The following FBN2 variants were observed in gnomAD, a reference collection of about 807,000 sequenced individuals.
The protein encoded by FBN2 is fibrillin-2.
FBN2 carries 105 observed loss-of-function variants against 355.6 expected under a neutral mutation model. The observed-to-expected ratio is 0.30, with a 90% CI of 0.25 to 0.35. FBN2 has a LOEUF of 0.35. FBN2 is among the 10% of genes least tolerant of loss of function. The probability of loss-of-function intolerance (pLI) is 1.00; values close to 1 mark genes in which losing one functional copy is unlikely to be tolerated. For synonymous variants in FBN2, 1,350 were observed against 1,301.2 expected, an observed-to-expected ratio of 1.04 and a Z score of -0.81; for missense variants, 3,280 against 3,758.7, an observed-to-expected ratio of 0.87 and a Z score of 3.33.
intron 53 of FBN2, among the ~76,000 whole-genome samples, chr5:128,288,203 C>T (rs113057849): frequency 6.6e-6 from 1 of 152,188 alleles, no homozygotes; most frequent in South Asian, 2.1e-4. Context: ...TCAAGAGATG[C>T]CAACCCTGAG....
intron 31 of FBN2, among the ~76,000 whole-genome samples, chr5:128,333,515 C>T (rs1581222528): frequency 6.6e-6 from 1 of 151,862 alleles, no homozygotes; most frequent in South Asian, 2.1e-4. Context: ...ATTACATGAT[C>T]ATTTGTCATT....
intron 11 of FBN2, among the ~76,000 whole-genome samples, chr5:128,387,724 C>G (rs1350679799): frequency 1.3e-5 from 2 of 152,008 alleles, no homozygotes; most frequent in African/African-American, 4.8e-5. Flanking sequence ...GGTATAATTT[C>G]ATTTTTCTTG....
At chr5:128,355,278 C>A (rs771215888) in intron 20 of FBN2, among the ~76,000 whole-genome samples, 59 of 152,200 alleles carry the variant, frequency 3.9e-4, no homozygotes, top group Non-Finnish European at 7.2e-4. Flanking sequence ...AGAGCGCAGA[C>A]CCAAGCCAAA....
At chr5:128,328,435 G>A (rs1750610533) in intron 34 of FBN2, 1 of 606,978 alleles carries the variant, frequency 1.6e-6, no homozygotes, top group South Asian at 2.0e-5. Flanking sequence ...AGAGAAAGAA[G>A]AGAAGAAATG....
Position 128,303,026 on chromosome 5 carries a change from T to G in FBN2, c.5864A>C (p.Tyr1955Ser). 1.9e-6 allele frequency: 3 copies of G among 1,612,892 alleles called. No homozygotes were observed. Among genetic ancestry groups the G allele is most frequent in the Non-Finnish European group, 2.5e-6 (3 of 1,178,914 alleles). ...AAACCCTGGGTAGCACAGACAGTTA[T>G]AGGATCCAACGGTGTTTTTACAAGT... is the stretch of plus-strand genomic sequence containing the variant. The part of the protein sequence containing the change: ...NGTCKNTVGS[Y>S]NCLCYPGFEL... The change falls in exon 46 of 65, where the codon TAT becomes TCT. Residue 1955 changes from tyrosine (Y) to serine (S), a missense_variant. Tyr to Ser is a moderately radical substitution (Grantham distance 144). Transcript: ENST00000262464.
intron 17 of FBN2, among the ~76,000 whole-genome samples, chr5:128,365,656 A>C (rs1751746998): frequency 6.6e-6 from 1 of 150,484 alleles, no homozygotes; most frequent in South Asian, 2.1e-4. Flanking sequence ...ACATAAATAT[A>C]TATATATAAC....
At position 128,336,015 on chromosome 5, in the gene FBN2, C is replaced by G; in HGVS notation, c.3697G>C (p.Ala1233Pro). 1 of 1,614,170 alleles carries G rather than the reference C, an allele frequency of 6.2e-7. No individual in the cohort carries two copies. ...GTACAGCCCTGGCGGTCTGGCGTAG[C>G]CTGATATCCAGGATTGCAAGAGCAC... The part of the protein sequence containing the change: ...YQCSCNPGYQ[A>P]TPDRQGCTDI... Residue 1233 changes from alanine (A) to proline (P), a missense_variant, in exon 28 of 65, where the codon GCT becomes CCT. This residue lies in a region of FBN2 where 2,284 missense variants were observed against 2,749.5 expected (regional missense o/e 0.83). Coordinates refer to ENST00000262464, the MANE Select transcript of FBN2 (RefSeq NM_001999.4).
chr5:128,500,044 T>C (rs1316105613), intron 5 of FBN2, among the ~76,000 whole-genome samples: 1 of 152,184 alleles, frequency 6.6e-6, no homozygotes, highest in African/African-American at 2.4e-5. Context: ...ACAATATTAG[T>C]CTTAAATGTC....
intron 11 of FBN2, among the ~76,000 whole-genome samples, chr5:128,385,001 T>C (rs1051552748): frequency 1.3e-5 from 2 of 152,244 alleles, no homozygotes; most frequent in Non-Finnish European, 2.9e-5. Flanking sequence ...ATCCCTCAAT[T>C]GGCTCAGAAC....
At position 128,258,314 on chromosome 5, in the gene FBN2, A is replaced by G. The variant is rs1267201095; in HGVS notation, c.*1141T>C. 1 of 152,610 alleles carries G rather than the reference A, an allele frequency of 6.6e-6. No homozygotes were observed. The highest frequency in any genetic ancestry group is 1.5e-5 in the Non-Finnish European group (1 of 68,026). 9.5% of individuals were successfully genotyped at this position (152,610 alleles called of 1,614,324 possible). A position where few individuals can be genotyped will look rare whatever the true frequency, so the allele number is the denominator to read the frequency against. ...CATTGTACAAACATCTTTCATACACAATAGGCTATGATAAAATGAGGCATA... is the reference window on the plus strand; with the variant it reads ...CATTGTACAAACATCTTTCATACACGATAGGCTATGATAAAATGAGGCATA... On this transcript the variant is annotated 3_prime_UTR_variant, in exon 65 of 65. Coordinates refer to ENST00000262464, the MANE Select transcript of FBN2 (RefSeq NM_001999.4).
intron 7 of FBN2, among the ~76,000 whole-genome samples, chr5:128,435,425 A>G (rs913965494): frequency 2.6e-5 from 4 of 152,232 alleles, no homozygotes; most frequent in African/African-American, 9.6e-5. Flanking sequence ...CATCACTGAA[A>G]TTACACATCA....
At chr5:128,269,582 A>G (rs1765213457) in intron 62 of FBN2, among the ~76,000 whole-genome samples, 1 of 152,208 alleles carries the variant, frequency 6.6e-6, no homozygotes, top group African/African-American at 2.4e-5. Context: ...CCTATACACC[A>G]ACAATAGACA....
intron 5 of FBN2, among the ~76,000 whole-genome samples, chr5:128,488,408 A>G (rs1487199356): frequency 6.6e-6 from 1 of 152,186 alleles, no homozygotes; most frequent in Non-Finnish European, 1.5e-5. Context: ...TGGAGGTCTC[A>G]GCTTAATAAA....
chr5:128,266,992 C>T (rs1765131776), intron 62 of FBN2, among the ~76,000 whole-genome samples: 1 of 151,600 alleles, frequency 6.6e-6, no homozygotes, highest in Admixed American at 6.6e-5. Context: ...CCCAACAGGC[C>T]CCAGCATGTG....
At chr5:128,274,724 T>C in intron 59 of FBN2, 41 bp from the exon 60 acceptor site, 1 of 1,162,320 alleles carries the variant, frequency 8.6e-7, no homozygotes, top group East Asian at 2.3e-5. Context: ...CAGTAGACTA[T>C]CTGGCTATGT....
In FBN2 at chr5:128,289,401, T is replaced by C. The variant is rs374180039; in HGVS notation, c.6512-149A>G. On this transcript the variant is annotated intron_variant, in intron 51 of 64. Transcript: ENST00000262464. ...GAGCTTGAGACCAGCCTGGGCAACA[T>C]GGCGAAACCCCATCTCTACTAAAAA... 9 of 773,626 alleles carry C rather than the reference T, an allele frequency of 1.2e-5. No individual in the cohort carries two copies. The East Asian group carries it at 1.3e-4, about 11-fold the overall frequency. 47.9% of individuals were successfully genotyped at this position (773,626 alleles called of 1,614,324 possible).
At chr5:128,339,434 G>A (rs1447430909) in intron 25 of FBN2, among the ~76,000 whole-genome samples, 8 of 151,990 alleles carry the variant, frequency 5.3e-5, no homozygotes, top group African/African-American at 1.4e-4. Flanking sequence ...GGGCAATGTA[G>A]GGAGACCCCA....
At chr5:128,525,501 C>G (rs944259150) in intron 4 of FBN2, among the ~76,000 whole-genome samples, 1 of 152,104 alleles carries the variant, frequency 6.6e-6, no homozygotes, top group African/African-American at 2.4e-5. Context: ...ATGAGAAACT[C>G]TGCTGCATTT....
chr5:128,311,544 G>T, intron 38 of FBN2, 119 bp from the exon 39 acceptor site: 3 of 1,068,384 alleles, frequency 2.8e-6, no homozygotes, highest in Middle Eastern at 2.0e-4. Context: ...CCAAATGAAC[G>T]CACACTTAGA....
Sources: gnomAD v4.1 joint callset for allele counts (sites outside exome capture counted in the v4.1 genomes callset) on GRCh38, gnomAD v4.1.1 for gene constraint, gnomAD v4.1.1 regional missense constraint, MANE v1.5 for transcripts, NCBI Gene and HGNC (gene_info 2026-07-23, HGNC 2026-07-21) for gene names.